Variants in MELTF observed in about 807,000 individuals in gnomAD.
MELTF encodes the protein melanotransferrin, also known as antigen p97 (melanoma associated) identified by monoclonal antibodies 133.2 and 96.5.
A neutral mutation model predicts 83.7 loss-of-function variants in MELTF; 67 were observed. That is an observed-to-expected ratio of 0.80 (90% CI 0.66 to 0.98). The LOEUF (loss-of-function observed/expected upper bound fraction) is 0.98, where lower values mean the gene tolerates loss of function less well. MELTF is among the 50% of genes least tolerant of loss of function. The pLI is 0.00. For missense variants in MELTF, 1,002 were observed against 1,035.6 expected (o/e 0.97, Z 0.44); for synonymous variants, 462 against 447.6 (o/e 1.03, Z -0.41).
At chr3:197,015,119 G>T (rs1389853848) in intron 9 of MELTF, among the ~76,000 whole-genome samples, 1 of 152,146 alleles carries the variant, frequency 6.6e-6, no homozygotes, top group Non-Finnish European at 1.5e-5. Context: ...CTCTCCAGGG[G>T]ACTCACCCCT....
At position 197,003,428 on chromosome 3, in the gene MELTF, G is replaced by C. The variant is rs1240856296; in HGVS notation, c.2161C>G (p.Leu721Val). 2 of 1,099,938 alleles carry C rather than the reference G, an allele frequency of 1.8e-6. No individual in the cohort carries two copies. The highest frequency in any genetic ancestry group is 2.2e-6 in the Non-Finnish European group (2 of 906,020). 68.1% of individuals were successfully genotyped at this position (1,099,938 alleles called of 1,614,324 possible). Reference protein sequence around the residue: ...GAAAPAPGAPLLPLLLPALAA... With the variant: ...GAAAPAPGAPVLPLLLPALAA... ...AGGGCGGGCAGCAGCAGCGGGAGCA[G>C]GGGCGCCCCGGGCGCCGGGGCCGCT... The change falls in exon 16 of 16, where the codon CTG becomes GTG. Residue 721 changes from leucine to valine, a missense_variant. Physicochemically the swap from Leu to Val is conservative, Grantham distance 32. Transcript: ENST00000296350. This position sits in a 1 kb window ranked among gnomAD's most constrained non-coding sequence, Gnocchi z 6.2.
At position 197,011,584 on chromosome 3, in the gene MELTF, A is replaced by G. The variant is rs573714555; in HGVS notation, c.1234-790T>C. On this transcript the variant is annotated intron_variant, in intron 9 of 15. Coordinates refer to ENST00000296350, the MANE Select transcript of MELTF (RefSeq NM_005929.6). This position sits in a 1 kb window ranked among gnomAD's most constrained non-coding sequence, Gnocchi z 4.2. Reference sequence around the variant, plus strand: ...GCATGAAGTGATGGCGGTTAATAACAGGCAGCGGCGTTGATATTTGGGGCC... The same window carrying G: ...GCATGAAGTGATGGCGGTTAATAACGGGCAGCGGCGTTGATATTTGGGGCC... Among the ~76,000 whole-genome samples the G allele has an allele frequency of 2.0e-5, 3 of 152,278 alleles. 1 individual carries two copies. The South Asian group carries it at 6.2e-4, about 32-fold the overall frequency.
chr3:197,004,901 T>C (rs1449837886), intron 14 of MELTF, among the ~76,000 whole-genome samples: 1 of 152,142 alleles, frequency 6.6e-6, no homozygotes, highest in Non-Finnish European at 1.5e-5. Flanking sequence ...AGGATTCTTC[T>C]CCCACATTAC....
chr3:197,009,581 G>C, intron 11 of MELTF, 37 bp downstream of exon 11: 1 of 1,580,228 alleles, frequency 6.3e-7, no homozygotes, highest in Non-Finnish European at 8.7e-7. Context: ...CCCAGAGAAG[G>C]CTTCCCCAGT....
At position 197,011,773 on chromosome 3, in the gene MELTF, C is replaced by G. The variant is rs977579818; in HGVS notation, c.1234-979G>C. Among the ~76,000 whole-genome samples, 42 of 152,288 alleles carry G rather than the reference C, an allele frequency of 2.8e-4. No individual in the cohort carries two copies. Among genetic ancestry groups the G allele is most frequent in the African/African-American group, 9.1e-4 (38 of 41,554 alleles). On this transcript the variant is annotated intron_variant, in intron 9 of 15. Coordinates refer to ENST00000296350, the MANE Select transcript of MELTF (RefSeq NM_005929.6). The surrounding 1 kb of genome is among the most constrained non-coding windows in gnomAD (Gnocchi z 4.2). Reference sequence around the variant, plus strand: ...GGCAGGAATGGGTGTTACAGCCACACTGGACTCCTCTCTGAGAACCTCAGA... The same window carrying G: ...GGCAGGAATGGGTGTTACAGCCACAGTGGACTCCTCTCTGAGAACCTCAGA...
chr3:197,025,576 TG>T (rs201724945), intron 3 of MELTF: 3,886 of 152,380 alleles, frequency 0.026, 125 homozygotes, highest in Admixed American at 0.076. Flanking sequence ...CTCTGCTCTG[TG>T]GGGGCAGGAA....
intron 9 of MELTF, among the ~76,000 whole-genome samples, chr3:197,014,200 T>C (rs889407904): frequency 6.6e-6 from 1 of 152,096 alleles, no homozygotes; most frequent in Non-Finnish European, 1.5e-5. Flanking sequence ...ATCCTGTCAC[T>C]GGCAGCAACA....
In MELTF at chr3:197,007,676, G is replaced by A. The variant is rs1719028901; in HGVS notation, c.1751-940C>T. ...AGGCTGGGTGGGGGAGCTGGGCTGT[G>A]GCAACAGGAAGGGTTCAGGGCCTGG... is the stretch of plus-strand genomic sequence containing the variant. On this transcript the variant is annotated intron_variant, in intron 13 of 15. Coordinates refer to ENST00000296350, the MANE Select transcript of MELTF (RefSeq NM_005929.6). This position sits in a 1 kb window ranked among gnomAD's most constrained non-coding sequence, Gnocchi z 4.3. 6.6e-6 allele frequency among the ~76,000 whole-genome samples: 1 copy of A among 152,212 alleles called. No homozygotes were observed. Among genetic ancestry groups the A allele is most frequent in the South Asian group, 2.1e-4 (1 of 4,836 alleles).
chr3:197,002,206 G>A lies in MELTF; in HGVS notation c.*1166C>T, dbSNP rs532768972. The A allele has an allele frequency of 1.3e-5, 2 of 152,370 alleles. No homozygotes were observed. The highest frequency in any genetic ancestry group is 4.8e-5 in the African/African-American group (2 of 41,598). 9.4% of individuals were successfully genotyped at this position (152,370 alleles called of 1,614,324 possible). On this transcript the variant is annotated 3_prime_UTR_variant, in exon 16 of 16. Transcript: ENST00000296350. ...GGTGGGGGCGAGCCACCGGGAACCG[G>A]GCCTGTCACCAGCATCCCCGAGCCC...
intron 6 of MELTF, among the ~76,000 whole-genome samples, chr3:197,017,894 T>G (rs1222814886): frequency 6.6e-6 from 1 of 151,798 alleles, no homozygotes; most frequent in Non-Finnish European, 1.5e-5. Flanking sequence ...AAGAAAGGCT[T>G]TGGGTGAGAC....
chr3:197,024,597 T>C lies in MELTF; in HGVS notation c.305-112A>G. Reference sequence around the variant, plus strand: ...GAGGTGTGTGCACGGAGCACGGCTGTACACACGGATGTGTGCATAGCGTTC... The same window carrying C: ...GAGGTGTGTGCACGGAGCACGGCTGCACACACGGATGTGTGCATAGCGTTC... On this transcript the variant is annotated intron_variant, in intron 3 of 15. Coordinates refer to ENST00000296350, the MANE Select transcript of MELTF (RefSeq NM_005929.6). The surrounding 1 kb of genome is among the most constrained non-coding windows in gnomAD (Gnocchi z 5.3). The C allele has an allele frequency of 1.3e-5, 12 of 892,896 alleles. No individual in the cohort carries two copies. The highest frequency in any genetic ancestry group is 2.0e-5 in the Non-Finnish European group (12 of 599,980). 55.3% of individuals were successfully genotyped at this position (892,896 alleles called of 1,614,324 possible). A position where few individuals can be genotyped will look rare whatever the true frequency, so the allele number is the denominator to read the frequency against.
At chr3:197,019,996 C>T (rs1432884226) in intron 6 of MELTF, among the ~76,000 whole-genome samples, 2 of 152,076 alleles carry the variant, frequency 1.3e-5, no homozygotes, top group African/African-American at 2.4e-5. Flanking sequence ...ATCAAGATCT[C>T]GATTGTGGTG....
At position 197,019,849 on chromosome 3, in the gene MELTF, T is replaced by TA. The variant is rs372054650; in HGVS notation, c.712+1554dup. Reference sequence around the variant, plus strand: ...ATAACAGCAAAGAATGACAATGATTTAAAAAAAAAACCCAATCATCAGACG... The same window carrying TA: ...ATAACAGCAAAGAATGACAATGATTTAAAAAAAAAAACCCAATCATCAGACG... On this transcript the variant is annotated intron_variant, in intron 6 of 15. Transcript: ENST00000296350. 4,619 of 1,371,332 alleles carry TA rather than the reference T, an allele frequency of 3.4e-3. 1 individual carries two copies. The highest frequency in any genetic ancestry group is 0.011 in the South Asian group (717 of 68,166). 84.9% of individuals were successfully genotyped at this position (1,371,332 alleles called of 1,614,324 possible).
chr3:197,017,608 T>C (rs534255320), intron 6 of MELTF, among the ~76,000 whole-genome samples: 15 of 152,334 alleles, frequency 9.8e-5, no homozygotes, highest in Non-Finnish European at 1.3e-4. Flanking sequence ...CCGGGCGTGG[T>C]GGCTCACGCC....
In MELTF at chr3:197,007,923, C is replaced by T. The variant is rs567645982; in HGVS notation, c.1750+734G>A. ...GGAGCGAGTGGAGAAGACTGGGCCT[C>T]CAGCATTTGGGGTTTCAAAGCCTGG... On this transcript the variant is annotated intron_variant, in intron 13 of 15. Coordinates refer to ENST00000296350, the MANE Select transcript of MELTF (RefSeq NM_005929.6). The surrounding 1 kb of genome is among the most constrained non-coding windows in gnomAD (Gnocchi z 4.3). 6.6e-6 allele frequency among the ~76,000 whole-genome samples: 1 copy of T among 152,158 alleles called. No individual in the cohort carries two copies. The highest frequency in any genetic ancestry group is 1.5e-5 in the Non-Finnish European group (1 of 68,028).
In MELTF at chr3:197,008,340, T is replaced by C. The variant is rs896797575; in HGVS notation, c.1750+317A>G. On this transcript the variant is annotated intron_variant, in intron 13 of 15. Coordinates refer to ENST00000296350, the MANE Select transcript of MELTF (RefSeq NM_005929.6). This position sits in a 1 kb window ranked among gnomAD's most constrained non-coding sequence, Gnocchi z 5.4. ...CTCATGCCACTCCCACCTCACACCT[T>C]GGCACTACATCAATACTCCCAGAAG... Among the ~76,000 whole-genome samples the C allele has an allele frequency of 1.3e-5, 2 of 152,144 alleles. No homozygotes were observed. The highest frequency in any genetic ancestry group is 2.9e-5 in the Non-Finnish European group (2 of 68,016).
In MELTF at chr3:197,009,783, CCA is replaced by C. The variant is rs751250235; in HGVS notation, c.1358_1359del (p.Val453GlyfsTer16). On this transcript the variant is annotated frameshift_variant, in exon 11 of 16. Coordinates refer to ENST00000296350, the MANE Select transcript of MELTF (RefSeq NM_005929.6). LOFTEE classifies it high-confidence loss of function. ...APEDSSNSYY[V>X]VAVVRRDSSH... Reference sequence around the variant, plus strand: ...GAGCTGTCCCGTCTCACCACGGCCACCACGTAGTACGAGTTGCTGCTGTCTTC... The same window carrying C: ...GAGCTGTCCCGTCTCACCACGGCCACCGTAGTACGAGTTGCTGCTGTCTTC... 24 of 1,612,472 alleles carry C rather than the reference CCA, an allele frequency of 1.5e-5. No homozygotes were observed. Among genetic ancestry groups the C allele is most frequent in the Non-Finnish European group, 2.0e-5 (23 of 1,179,296 alleles).
At position 197,029,596 on chromosome 3, in the gene MELTF, C is replaced by G; in HGVS notation, c.49+58G>C. 1 of 1,222,430 alleles carries G rather than the reference C, an allele frequency of 8.2e-7. No homozygotes were observed. The highest frequency in any genetic ancestry group is 4.2e-5 in the Admixed American group (1 of 23,694). The allele number at this position is 1,222,430 out of a possible 1,614,324, so 75.7% of individuals were successfully genotyped here. ...ATTTCCAGCCCCGGGACCTGCTCAG[C>G]CGGGCCGCGGCGCCCCGGGACCCCC... On this transcript the variant is annotated intron_variant, in intron 1 of 15. Transcript: ENST00000296350. The surrounding 1 kb of genome is among the most constrained non-coding windows in gnomAD (Gnocchi z 6.5).
intron 2 of MELTF, 50 bp from the exon 3 acceptor site, chr3:197,026,809 C>G (rs781692540): frequency 5.1e-6 from 8 of 1,562,234 alleles, no homozygotes; most frequent in Non-Finnish European, 6.1e-6. Context: ...GCCTGCTCAG[C>G]AAAGAACTCG....
Sources: allele counts gnomAD v4.1 joint callset (sites outside exome capture counted in the v4.1 genomes callset), GRCh38; gene constraint gnomAD v4.1.1; non-coding constraint Gnocchi (gnomAD v3.1); transcripts MANE v1.5; gene names NCBI Gene and HGNC (gene_info 2026-07-23, HGNC 2026-07-21).